Variants in CHLSN observed in about 807,000 individuals in gnomAD.
CHLSN encodes the protein cholesin, also known as protein cholesin.
chr7:1,016,671 G>T, the CHLSN span, among the ~76,000 whole-genome samples: 1 of 113,524 alleles, frequency 8.8e-6, no homozygotes, highest in African/African-American at 3.6e-5. Context: ...GCGCACAGCA[G>T]CACACGCCAG....
At chr7:1,125,484 C>A in the CHLSN span, among the ~76,000 whole-genome samples, 1 of 152,236 alleles carries the variant, frequency 6.6e-6, no homozygotes, top group South Asian at 2.1e-4. Flanking sequence ...AACAAGCCAG[C>A]ACCGGGCCCC....
At chr7:1,133,392 CAAA>C in the CHLSN span, among the ~76,000 whole-genome samples, 18,706 of 90,830 alleles carry the variant, frequency 0.21, 1,303 homozygotes, top group South Asian at 0.25. Context: ...CGATATACTG[CAAA>C]AAAAAAAAAA....
the CHLSN span, chr7:1,091,598 G>T: frequency 1.3e-6 from 1 of 754,730 alleles, no homozygotes; most frequent in Non-Finnish European, 2.2e-6. Flanking sequence ...TCCTCCTGGG[G>T]AGTTTCCTGT....
chr7:985,390 C>A, the CHLSN span: 1 of 1,510,574 alleles, frequency 6.6e-7, no homozygotes, highest in Non-Finnish European at 8.9e-7. Context: ...AGCAGGAGGA[C>A]GGGGGCCCCA....
At chr7:1,105,584 A>G in the CHLSN span, among the ~76,000 whole-genome samples, 1 of 152,222 alleles carries the variant, frequency 6.6e-6, no homozygotes, top group Non-Finnish European at 1.5e-5. Flanking sequence ...AAAAAATTAC[A>G]AGCATGTGAA....
At chr7:1,068,653 C>CT in the CHLSN span, among the ~76,000 whole-genome samples, 1 of 152,158 alleles carries the variant, frequency 6.6e-6, no homozygotes, top group Non-Finnish European at 1.5e-5. Context: ...GTCTTCCCCC[C>CT]AACGCTTAGT....
chr7:1,019,833 G>A, the CHLSN span, among the ~76,000 whole-genome samples: 1 of 152,208 alleles, frequency 6.6e-6, no homozygotes, highest in African/African-American at 2.4e-5. Flanking sequence ...CACCCACTCA[G>A]GTCTCTCACT....
the CHLSN span, among the ~76,000 whole-genome samples, chr7:1,100,003 T>A: frequency 6.6e-6 from 1 of 152,144 alleles, no homozygotes; most frequent in Non-Finnish European, 1.5e-5. Context: ...GACAACTGGA[T>A]AATCCACTTC....
chr7:1,044,222 T>A, the CHLSN span, among the ~76,000 whole-genome samples: 1 of 152,048 alleles, frequency 6.6e-6, no homozygotes, highest in Non-Finnish European at 1.5e-5. Flanking sequence ...CCCTGCAGAT[T>A]AGGGTATATT....
the CHLSN span, chr7:983,248 G>A: frequency 6.5e-7 from 1 of 1,532,606 alleles, no homozygotes; most frequent in Non-Finnish European, 8.8e-7. Flanking sequence ...GGGCCTCCTG[G>A]GGCTCTGGGG....
the CHLSN span, among the ~76,000 whole-genome samples, chr7:1,049,359 G>A: frequency 6.6e-6 from 1 of 152,240 alleles, no homozygotes; most frequent in Non-Finnish European, 1.5e-5. Flanking sequence ...GCACCCTCTT[G>A]TGCTTCACAT....
At chr7:1,028,458 CG>C in the CHLSN span, 1 of 985,482 alleles carries the variant, frequency 1.0e-6, no homozygotes, top group Non-Finnish European at 1.2e-6. Flanking sequence ...GACCTCGGCG[CG>C]GGGGTGGGAG....
chr7:984,567 A>T, the CHLSN span: 3 of 1,561,820 alleles, frequency 1.9e-6, no homozygotes, highest in South Asian at 3.5e-5. Flanking sequence ...TCATCCAGCG[A>T]GGTGGAGGTC....
chr7:1,129,185 G>C, the CHLSN span, among the ~76,000 whole-genome samples: 47 of 9,132 alleles, frequency 5.1e-3, 3 homozygotes, highest in Non-Finnish European at 5.8e-3. Flanking sequence ...GCAGTGGCGC[G>C]ATCTCGGCTC....
chr7:1,099,738 G>A, the CHLSN span, among the ~76,000 whole-genome samples: 1 of 152,230 alleles, frequency 6.6e-6, no homozygotes, highest in Non-Finnish European at 1.5e-5. Context: ...GGGCGTTGCC[G>A]TCTGACCTGT....
chr7:1,104,289 G>A, the CHLSN span, among the ~76,000 whole-genome samples: 1 of 152,244 alleles, frequency 6.6e-6, no homozygotes, highest in African/African-American at 2.4e-5. Context: ...GCATGCAGTG[G>A]CCCGGGAGGC....
At chr7:1,023,600 G>A in the CHLSN span, among the ~76,000 whole-genome samples, 1 of 148,692 alleles carries the variant, frequency 6.7e-6, no homozygotes, top group South Asian at 2.1e-4. The surrounding 1 kb of genome is among the most constrained non-coding windows in gnomAD (Gnocchi z 5.0). Flanking sequence ...ACATGACGAA[G>A]ACTGTGGGGG....
At chr7:999,004 AAT>A in the CHLSN span, among the ~76,000 whole-genome samples, 1 of 152,224 alleles carries the variant, frequency 6.6e-6, no homozygotes, top group Non-Finnish European at 1.5e-5. Flanking sequence ...TTACATATGA[AAT>A]AAAAATGTAT....
At chr7:988,549 C>A in the CHLSN span, 26 of 1,597,080 alleles carry the variant, frequency 1.6e-5, no homozygotes, top group Admixed American at 4.4e-4. Flanking sequence ...GGTGGCTGCT[C>A]CTGTGCTCCC....
Sources: gnomAD v4.1 joint callset for allele counts (sites outside exome capture counted in the v4.1 genomes callset) on GRCh38, gnomAD v4.1.1 for gene constraint, Gnocchi (gnomAD v3.1) non-coding constraint, MANE v1.5 for transcripts, NCBI Gene and HGNC (gene_info 2026-07-23, HGNC 2026-07-21) for gene names.